ARID1B: variants seen among roughly 807,000 people sequenced by gnomAD.
ARID1B encodes AT-rich interaction domain 1B.
Under a neutral mutation model 212.3 loss-of-function variants are expected in ARID1B, and 30 were observed. That is an observed-to-expected ratio of 0.14 (90% CI 0.11 to 0.19). ARID1B has a LOEUF of 0.19. ARID1B is among the 10% of genes least tolerant of loss of function. The pLI is 1.00. For missense variants in ARID1B, 2,891 were observed against 3,204.0 expected (o/e 0.90, Z 2.36); for synonymous variants, 1,402 against 1,301.7 (o/e 1.08, Z -1.66).
At chr6:156,904,495 C>G (rs1365847739) in intron 3 of ARID1B, among the ~76,000 whole-genome samples, 1 of 152,198 alleles carries the variant, frequency 6.6e-6, no homozygotes, top group Non-Finnish European at 1.5e-5. Context: ...AGGATGAATT[C>G]TGGAAGCCAC....
rs2128399155 is a variant in ARID1B, at chr6:157,207,706, C to T, written c.6934C>T (p.Pro2312Ser). The T allele has an allele frequency of 2.5e-6, 4 of 1,607,968 alleles. No individual in the cohort carries two copies. The highest frequency in any genetic ancestry group is 3.4e-6 in the Non-Finnish European group (4 of 1,174,972). The change falls in exon 20 of 20, where the codon CCA (proline) becomes TCA (serine). Residue 2312 changes from proline (P) to serine (S), a missense_variant. By Grantham distance (74) the Pro-to-Ser change is moderately conservative. This residue lies in a region of ARID1B where 187 missense variants were observed against 306.5 expected (regional missense o/e 0.61). Transcript: ENST00000636930. This position sits in a 1 kb window ranked among gnomAD's most constrained non-coding sequence, Gnocchi z 8.5. ...LMHMQPPPLEPPSVDMMCRAA... is the reference protein window; with the variant it reads ...LMHMQPPPLESPSVDMMCRAA... ...GCACATGCAGCCCCCGCCCCTGGAA[C>T]CACCTAGCGTAGACATGATGTGCAG...
intron 1 of ARID1B, among the ~76,000 whole-genome samples, chr6:156,799,489 T>G: frequency 6.6e-6 from 1 of 152,222 alleles, no homozygotes; most frequent in African/African-American, 2.4e-5. Flanking sequence ...TTGATATATA[T>G]ATATTTGGAC....
intron 1 of ARID1B, among the ~76,000 whole-genome samples, chr6:156,817,834 C>G (rs996618682): frequency 1.3e-5 from 2 of 152,174 alleles, no homozygotes; most frequent in African/African-American, 4.8e-5. Flanking sequence ...TGCATTTTCT[C>G]AGAATCATTT....
At chr6:157,062,922 C>T (rs926055465) in intron 4 of ARID1B, among the ~76,000 whole-genome samples, 39 of 151,764 alleles carry the variant, frequency 2.6e-4, no homozygotes, top group Admixed American at 2.1e-3. Context: ...CTAGGCTGGT[C>T]TCGGACTCCT....
chr6:157,004,897 C>CTTTTTTTTTTTT lies in ARID1B; in HGVS notation c.2247+69344_2247+69355dup, dbSNP rs1177807875. On this transcript the variant is annotated intron_variant, in intron 4 of 19. Transcript: ENST00000636930. Reference sequence around the variant, plus strand: ...TTTTTTCTTTTTCTTCTTCTTTTTTCTTTTTTTTTTTTTTTTTTTTTTTTT... The same window carrying CTTTTTTTTTTTT: ...TTTTTTCTTTTTCTTCTTCTTTTTTCTTTTTTTTTTTTTTTTTTTTTTTTTTTTTTTTTTTTT... 9.7e-4 allele frequency among the ~76,000 whole-genome samples: 53 copies of CTTTTTTTTTTTT among 54,680 alleles called. 6 individuals carry two copies. Among genetic ancestry groups the CTTTTTTTTTTTT allele is most frequent in the Non-Finnish European group, 1.4e-3 (38 of 27,280 alleles). The allele number at this position is 54,680 out of a possible 152,430, so 35.9% of individuals were successfully genotyped here. A position where few individuals can be genotyped will look rare whatever the true frequency, so the allele number is the denominator to read the frequency against.
At chr6:156,993,018 G>A (rs1364085766) in intron 4 of ARID1B, among the ~76,000 whole-genome samples, 1 of 151,412 alleles carries the variant, frequency 6.6e-6, no homozygotes, top group African/African-American at 2.4e-5. Context: ...AGCCATTTTA[G>A]GCCATAATTG....
At chr6:156,991,631 T>G (rs537332954) in intron 4 of ARID1B, among the ~76,000 whole-genome samples, 4 of 152,360 alleles carry the variant, frequency 2.6e-5, no homozygotes, top group African/African-American at 9.6e-5. Flanking sequence ...TCTTACACTC[T>G]TCTTGAACTT....
chr6:156,823,837 T>G (rs1384687421), intron 1 of ARID1B, among the ~76,000 whole-genome samples: 2 of 152,118 alleles, frequency 1.3e-5, no homozygotes, highest in African/African-American at 4.8e-5. Flanking sequence ...ATTAGATATC[T>G]TTTACTATAA....
intron 4 of ARID1B, among the ~76,000 whole-genome samples, chr6:156,950,420 A>G (rs1482956890): frequency 6.6e-6 from 1 of 152,250 alleles, no homozygotes; most frequent in East Asian, 1.9e-4. Context: ...CAAATACTTA[A>G]TGTTGAAACT....
chr6:157,187,701 C>T (rs1793068040), intron 13 of ARID1B, among the ~76,000 whole-genome samples: 1 of 151,488 alleles, frequency 6.6e-6, no homozygotes. Flanking sequence ...GCCTGCCAGC[C>T]TCCTCTATTA....
At chr6:156,919,804 C>G (rs1790637952) in intron 3 of ARID1B, among the ~76,000 whole-genome samples, 2 of 152,212 alleles carry the variant, frequency 1.3e-5, no homozygotes, top group African/African-American at 4.8e-5. Flanking sequence ...GCACTCCAGC[C>G]TGGGTCACAG....
chr6:156,845,724 A>G (rs1221148703), intron 2 of ARID1B, among the ~76,000 whole-genome samples: 2 of 152,154 alleles, frequency 1.3e-5, no homozygotes, highest in Non-Finnish European at 2.9e-5. Context: ...TGCTAGACTC[A>G]TTCAGTATTA....
At position 157,129,454 on chromosome 6, in the gene ARID1B, T is replaced by C. The variant is rs143594267; in HGVS notation, c.2582-3574T>C. ...TGGTCTTGGGGAACAGGGAAAGGGG[T>C]GAGTCTCACCAAAAATAGAAAACAA... On this transcript the variant is annotated intron_variant, in intron 6 of 19. Coordinates refer to ENST00000636930, the MANE Select transcript of ARID1B (RefSeq NM_001374828.1). Among the ~76,000 whole-genome samples, 337 of 152,314 alleles carry C rather than the reference T, an allele frequency of 2.2e-3. 1 individual carries two copies. Among genetic ancestry groups the C allele is most frequent in the African/African-American group, 7.7e-3 (318 of 41,560 alleles).
chr6:156,879,242 C>G (rs183787279), intron 2 of ARID1B, among the ~76,000 whole-genome samples: 25 of 152,348 alleles, frequency 1.6e-4, no homozygotes, highest in African/African-American at 4.3e-4. Context: ...CTTGTTCTGT[C>G]TACTTGTGTT....
At chr6:156,940,316 A>G (rs1462495524) in intron 4 of ARID1B, 1 of 152,254 alleles carries the variant, frequency 6.6e-6, no homozygotes, top group Non-Finnish European at 1.5e-5. Flanking sequence ...AATAGGAAAT[A>G]TCTAAAGAGG....
chr6:156,779,416 G>A lies in ARID1B; in HGVS notation c.1736G>A (p.Arg579Lys), dbSNP rs1420609905. The A allele has an allele frequency of 5.5e-6, 8 of 1,464,860 alleles. No individual in the cohort carries two copies. Among genetic ancestry groups the A allele is most frequent in the African/African-American group, 2.9e-5 (2 of 68,240 alleles). The allele number at this position is 1,464,860 out of a possible 1,614,324, so 90.7% of individuals were successfully genotyped here. ...CCGGCCTGGGCGGCCGCGCAACAAA[G>A]GAGTCACCCGGCGATGAGCCCCGGC... The part of the protein sequence containing the change: ...ASPAWAAAQQ[R>K]SHPAMSPGTP... The change falls in exon 1 of 20, where the codon AGG becomes AAG. Residue 579 changes from arginine (R) to lysine (K), a missense_variant. Around this residue, in one of 7 missense-constraint regions of ARID1B, gnomAD observed 1,643 missense variants for 1,544.0 expected, o/e 1.06. Transcript: ENST00000636930.
chr6:156,928,749 A>G (rs1791455487), intron 3 of ARID1B, among the ~76,000 whole-genome samples: 1 of 152,210 alleles, frequency 6.6e-6, no homozygotes, highest in Non-Finnish European at 1.5e-5. Context: ...GCTTCTGGTA[A>G]TGCTTGATGA....
chr6:156,814,674 A>G (rs1781837814), intron 1 of ARID1B, among the ~76,000 whole-genome samples: 1 of 152,136 alleles, frequency 6.6e-6, no homozygotes, highest in Admixed American at 6.5e-5. Flanking sequence ...AGATTTAGGG[A>G]CCTGTGTAGA....
intron 2 of ARID1B, among the ~76,000 whole-genome samples, chr6:156,853,298 A>G (rs1367741592): frequency 6.6e-6 from 1 of 152,222 alleles, no homozygotes; most frequent in African/African-American, 2.4e-5. Context: ...CTTTAAAACA[A>G]TCTTATTGTG....
Sources: allele counts gnomAD v4.1 joint callset (sites outside exome capture counted in the v4.1 genomes callset), GRCh38; gene constraint gnomAD v4.1.1; regional missense constraint gnomAD v4.1.1; non-coding constraint Gnocchi (gnomAD v3.1); transcripts MANE v1.5; gene names NCBI Gene and HGNC (gene_info 2026-07-23, HGNC 2026-07-21).